The following MFF variants were observed in gnomAD, a reference collection of about 807,000 sequenced individuals.
The protein encoded by MFF is chromosome 2 open reading frame 33.
Under a neutral mutation model 36.9 loss-of-function variants are expected in MFF, and 12 were observed. That is an observed-to-expected ratio of 0.33 (90% confidence interval 0.21 to 0.53). The LOEUF (loss-of-function observed/expected upper bound fraction) is 0.53. Ranked by LOEUF, MFF falls within the 20% of genes least tolerant of loss-of-function variation. The pLI, the probability that MFF is intolerant of heterozygous loss-of-function variation, is 0.95. For synonymous variants in MFF, 99 were observed against 126.2 expected (o/e 0.78, Z 1.44); for missense variants, 348 against 366.6 (o/e 0.95, Z 0.42).
In MFF at chr2:227,347,364, T is replaced by G; in HGVS notation, c.579T>G (p.Asp193Glu). ...GTAGGGCATACCAGCAGATCTTGGA[T>G]GTGCTGGATGAAAATCGCAGGTGAT... ...STRRAYQQILDVLDENRRPVL... is the reference protein window; with the variant it reads ...STRRAYQQILEVLDENRRPVL... The change falls in exon 6 of 9, where the codon GAT becomes GAG. Residue 193 changes from aspartate (D) to glutamate (E), a missense_variant. Asp to Glu is a conservative substitution (Grantham distance 45, BLOSUM62 2). Coordinates refer to ENST00000304593, the MANE Select transcript of MFF (RefSeq NM_001277062.2). 6.2e-7 allele frequency: 1 copy of G among 1,613,686 alleles called. No homozygotes were observed. Among genetic ancestry groups the G allele is most frequent in the Non-Finnish European group, 8.5e-7 (1 of 1,179,664 alleles).
chr2:227,325,585 C>T (rs1325450275), intron 1 of MFF, 158 bp downstream of exon 1: 1 of 152,324 alleles, frequency 6.6e-6, no homozygotes, highest in Non-Finnish European at 1.5e-5. Flanking sequence ...GGCCTCTTGC[C>T]TTCAACCCTG....
intron 1 of MFF, among the ~76,000 whole-genome samples, chr2:227,327,452 G>A (rs1333012936): frequency 1.3e-5 from 2 of 152,056 alleles, no homozygotes; most frequent in Non-Finnish European, 2.9e-5. Context: ...ATTTTGATTG[G>A]TTTTAAGCAG....
At chr2:227,332,619 G>T in intron 4 of MFF, 31 bp downstream of exon 4, 1 of 1,539,158 alleles carries the variant, frequency 6.5e-7, no homozygotes, top group South Asian at 1.2e-5. Context: ...ACCGGAATTT[G>T]AAATAATGTA....
At position 227,329,797 on chromosome 2, in the gene MFF, T is replaced by C. The variant is rs374828223; in HGVS notation, c.-40-829T>C. ...ATCACTAGGAAGGTCAGTGAAATTT[T>C]ATTCAGTTGAGCTGGTATTATAGGT... On this transcript the variant is annotated intron_variant, in intron 2 of 8. Transcript: ENST00000304593. 5.4e-6 allele frequency: 8 copies of C among 1,483,508 alleles called. No individual in the cohort carries two copies. The African/African-American group carries it at 1.6e-4, about 30-fold the overall frequency. 91.9% of individuals were successfully genotyped at this position (1,483,508 alleles called of 1,614,324 possible). A position where few individuals can be genotyped will look rare whatever the true frequency, so the allele number is the denominator to read the frequency against.
intron 4 of MFF, among the ~76,000 whole-genome samples, chr2:227,335,854 C>T (rs538499220): frequency 6.6e-6 from 1 of 152,184 alleles, no homozygotes; most frequent in Non-Finnish European, 1.5e-5. Flanking sequence ...GCCTAATCTC[C>T]ACCAATATTT....
intron 4 of MFF, among the ~76,000 whole-genome samples, chr2:227,338,369 CAAAAA>C (rs373093427): frequency 5.2e-5 from 6 of 114,850 alleles, no homozygotes; most frequent in Non-Finnish European, 9.0e-5. Flanking sequence ...CACTCTGTCT[CAAAAA>C]AAAAAAAAAG....
In MFF at chr2:227,330,619, C is replaced by T; in HGVS notation, c.-40-7C>T. The stretch of plus-strand genomic sequence containing the variant: ...GTCAGCCCTGTCTTTAAATTTTTCT[C>T]CCACAGGGTGAGCAGGGCAGCATTT... On this transcript the variant is annotated splice_polypyrimidine_tract_variant and splice_region_variant and intron_variant, in intron 2 of 8. Transcript: ENST00000304593. 7.1e-7 allele frequency: 1 copy of T among 1,418,360 alleles called. No individual in the cohort carries two copies. The allele number at this position is 1,418,360 out of a possible 1,614,324, so 87.9% of individuals were successfully genotyped here.
chr2:227,327,429 G>GA (rs59422659), intron 1 of MFF, among the ~76,000 whole-genome samples: 4,021 of 151,992 alleles, frequency 0.026, 185 homozygotes, highest in African/African-American at 0.092. Context: ...TAACGAGGGA[G>GA]AAAAAAAATC....
chr2:227,338,745 G>T (rs1036569658), intron 4 of MFF, among the ~76,000 whole-genome samples: 1 of 151,608 alleles, frequency 6.6e-6, no homozygotes, highest in African/African-American at 2.4e-5. Flanking sequence ...CAGGAGAATT[G>T]CTTGAACCCG....
chr2:227,330,420 G>A (rs899824840), intron 2 of MFF: 2 of 553,628 alleles, frequency 3.6e-6, no homozygotes, highest in Non-Finnish European at 6.4e-6. Flanking sequence ...ATATCCTCAA[G>A]GTACAATTTC....
At chr2:227,345,588 C>T (rs1377895143) in intron 5 of MFF, among the ~76,000 whole-genome samples, 1 of 152,158 alleles carries the variant, frequency 6.6e-6, no homozygotes, top group Admixed American at 6.5e-5. Flanking sequence ...TTCTCACAAG[C>T]AGTAAGAGCT....
At position 227,332,215 on chromosome 2, in the gene MFF, G is replaced by T. The variant is rs572750653; in HGVS notation, c.182-204G>T. Among the ~76,000 whole-genome samples, 3 of 151,584 alleles carry T rather than the reference G, an allele frequency of 2.0e-5. No individual in the cohort carries two copies. The South Asian group carries it at 6.3e-4, about 32-fold the overall frequency. On this transcript the variant is annotated intron_variant, in intron 3 of 8. Coordinates refer to ENST00000304593, the MANE Select transcript of MFF (RefSeq NM_001277062.2). ...TCTCGATCTCTTGACCTCGTGATCCGCCCGCCTCGGCCTCCCAAAGTGCTG... is the reference window on the plus strand; with the variant it reads ...TCTCGATCTCTTGACCTCGTGATCCTCCCGCCTCGGCCTCCCAAAGTGCTG...
chr2:227,354,887 G>A (rs1277961072), intron 7 of MFF, among the ~76,000 whole-genome samples: 7 of 152,310 alleles, frequency 4.6e-5, no homozygotes, highest in African/African-American at 1.7e-4. Context: ...TAGGCCAGGC[G>A]TGGTTGCTCA....
At chr2:227,349,308 T>G (rs1023893167) in intron 6 of MFF, among the ~76,000 whole-genome samples, 10 of 151,920 alleles carry the variant, frequency 6.6e-5, no homozygotes, top group Non-Finnish European at 1.5e-5. Context: ...TGCCTCAGAG[T>G]CAAATGTATA....
At chr2:227,352,357 A>G in intron 6 of MFF, 157 bp from the exon 7 acceptor site, 1 of 579,396 alleles carries the variant, frequency 1.7e-6, no homozygotes, top group South Asian at 2.4e-5. Context: ...GACACATGAG[A>G]CAAGGATTTT....
chr2:227,348,327 G>A (rs2075818037), intron 6 of MFF, among the ~76,000 whole-genome samples: 1 of 152,056 alleles, frequency 6.6e-6, no homozygotes, highest in South Asian at 2.1e-4. Context: ...CAGGCCCTGG[G>A]TATGTCACCA....
At chr2:227,331,262 A>G (rs2106347955) in intron 3 of MFF, among the ~76,000 whole-genome samples, 2 of 152,302 alleles carry the variant, frequency 1.3e-5, no homozygotes, top group Middle Eastern at 3.4e-3. Flanking sequence ...CTAGAGTTTC[A>G]TGTAAATGGA....
In MFF at chr2:227,356,813, A is replaced by G. The variant is rs145147672; in HGVS notation, c.745-173A>G. On this transcript the variant is annotated intron_variant, in intron 8 of 8. Coordinates refer to ENST00000304593, the MANE Select transcript of MFF (RefSeq NM_001277062.2). ...TTTAAGTGAATTTAAGCTGTCATGAATGACATGTTTTTCTATGTGTAGTTG... is the reference window on the plus strand; with the variant it reads ...TTTAAGTGAATTTAAGCTGTCATGAGTGACATGTTTTTCTATGTGTAGTTG... 8.2e-4 allele frequency among the ~76,000 whole-genome samples: 125 copies of G among 152,320 alleles called. 2 individuals carry two copies. In the East Asian group the frequency reaches 0.021, roughly 26 times the overall value.
chr2:227,329,713 T>C (rs989462313), intron 2 of MFF: 1 of 1,439,406 alleles, frequency 6.9e-7, no homozygotes. Context: ...AGTATTTTAA[T>C]AGCTATTATA....
Sources: gnomAD v4.1 joint callset for allele counts (sites outside exome capture counted in the v4.1 genomes callset) on GRCh38, gnomAD v4.1.1 for gene constraint, MANE v1.5 for transcripts, NCBI Gene and HGNC (gene_info 2026-07-23, HGNC 2026-07-21) for gene names.